The following P2RX3 variants were observed in gnomAD, a reference collection of about 807,000 sequenced individuals.
P2RX3 encodes the protein purinergic receptor P2X 3, also known as P2X purinoceptor 3.
Under a neutral mutation model 51.5 loss-of-function variants are expected in P2RX3, and 41 were observed. The observed-to-expected ratio is 0.80, with a 90% CI of 0.62 to 1.03. P2RX3 has a LOEUF of 1.03. Among genes scored for constraint, P2RX3 ranks in the 50% least tolerant of loss-of-function variants. The probability of loss-of-function intolerance (pLI) is 0.00; values close to 1 mark genes in which losing one functional copy is unlikely to be tolerated. For missense variants in P2RX3, 459 were observed against 522.1 expected, an observed-to-expected ratio of 0.88 and a Z score of 1.18; for synonymous variants, 185 against 191.6, an observed-to-expected ratio of 0.97 and a Z score of 0.29.
upstream of P2RX3, among the ~76,000 whole-genome samples, chr11:57,337,617 A>G (rs529322614): frequency 1.3e-5 from 2 of 152,288 alleles, no homozygotes; most frequent in South Asian, 2.1e-4. Flanking sequence ...GGAATTGAAC[A>G]ATGAGAACAC....
At position 57,348,174 on chromosome 11, in the gene P2RX3, C is replaced by T. The variant is rs1220739656; in HGVS notation, c.396C>T (p.Ile132=). The change falls in exon 5 of 12, where the codon ATC becomes ATT. Residue 132 remains isoleucine (I), a synonymous_variant. Coordinates refer to ENST00000263314, the MANE Select transcript of P2RX3 (RefSeq NM_002559.5). ...CGPERLPGGG[I]LTGRCVNYSS... is the part of the protein sequence containing the mutation. Reference sequence around the variant, plus strand: ...CAGCTGTGGCTCTCACTTTAGGGATCCTCACTGGCCGCTGCGTGAACTACA... The same window carrying T: ...CAGCTGTGGCTCTCACTTTAGGGATTCTCACTGGCCGCTGCGTGAACTACA... 2.5e-6 allele frequency: 4 copies of T among 1,581,838 alleles called. No individual in the cohort carries two copies. Among genetic ancestry groups the T allele is most frequent in the Non-Finnish European group, 3.4e-6 (4 of 1,163,308 alleles).
chr11:57,336,127 G>A (rs1006391912), upstream of P2RX3, among the ~76,000 whole-genome samples: 3 of 152,174 alleles, frequency 2.0e-5, no homozygotes, highest in Non-Finnish European at 4.4e-5. Flanking sequence ...TTAGTACAGG[G>A]GTGGGGTGGG....
At position 57,369,342 on chromosome 11, in the gene P2RX3, C is replaced by A; in HGVS notation, c.1003-19C>A. On this transcript the variant is annotated intron_variant, in intron 10 of 11. Transcript: ENST00000263314. ...ACCCAGGGCACCCCTCGGAGCCCGC[C>A]CTGCCTCTCCTCCTCCAGGGAACTG... is the stretch of plus-strand genomic sequence containing the variant. 1.2e-6 allele frequency: 2 copies of A among 1,608,570 alleles called. No homozygotes were observed. The highest frequency in any genetic ancestry group is 1.7e-6 in the Non-Finnish European group (2 of 1,178,100).
chr11:57,360,737 G>A (rs1244845156), intron 8 of P2RX3, among the ~76,000 whole-genome samples: 2 of 151,154 alleles, frequency 1.3e-5, no homozygotes, highest in African/African-American at 2.4e-5. Context: ...AGAGGATGCA[G>A]TGAGCCGAGA....
chr11:57,350,949 C>T (rs75359740), intron 8 of P2RX3, 51 bp downstream of exon 8: 39,088 of 1,612,086 alleles, frequency 0.024, 571 homozygotes, highest in South Asian at 0.036. Context: ...GGGCTGTTAA[C>T]GGCAATGTTT....
At chr11:57,368,484 C>G in intron 10 of P2RX3, 47 bp downstream of exon 10, 1 of 1,600,168 alleles carries the variant, frequency 6.2e-7, no homozygotes, top group Non-Finnish European at 8.6e-7. Context: ...AGAGTGGGGC[C>G]CGGACTGGTA....
upstream of P2RX3, among the ~76,000 whole-genome samples, chr11:57,336,364 G>A (rs1309837828): frequency 6.6e-6 from 1 of 152,052 alleles, no homozygotes; most frequent in Non-Finnish European, 1.5e-5. Context: ...ATCCTTAACC[G>A]AAAATTATAG....
intron 9 of P2RX3, 74 bp from the exon 10 acceptor site, chr11:57,368,298 G>A (rs921262905): frequency 2.9e-5 from 44 of 1,528,256 alleles, no homozygotes; most frequent in East Asian, 9.0e-5. Flanking sequence ...CCCTTCTGGC[G>A]CCACGTGCAG....
At chr11:57,342,228 C>T (rs1207694818) in intron 1 of P2RX3, among the ~76,000 whole-genome samples, 1 of 139,084 alleles carries the variant, frequency 7.2e-6, no homozygotes. Flanking sequence ...GGTGCAATCT[C>T]GACTCACTGC....
At chr11:57,354,003 G>T (rs1856589979) in intron 8 of P2RX3, among the ~76,000 whole-genome samples, 1 of 152,066 alleles carries the variant, frequency 6.6e-6, no homozygotes, top group Admixed American at 6.6e-5. Flanking sequence ...AGCCTCAAAG[G>T]TCATTGGATC....
chr11:57,358,372 C>A (rs1856663145), intron 8 of P2RX3, among the ~76,000 whole-genome samples: 1 of 152,276 alleles, frequency 6.6e-6, no homozygotes, highest in African/African-American at 2.4e-5. Flanking sequence ...CAGAGATGAA[C>A]AAGACCAGTT....
At chr11:57,355,980 C>A (rs1392815590) in intron 8 of P2RX3, among the ~76,000 whole-genome samples, 1 of 152,094 alleles carries the variant, frequency 6.6e-6, no homozygotes, top group African/African-American at 2.4e-5. Context: ...GCCTGGGCAG[C>A]AATAGCAAGA....
intron 8 of P2RX3, among the ~76,000 whole-genome samples, chr11:57,361,428 T>A (rs1376843341): frequency 6.6e-6 from 1 of 152,202 alleles, no homozygotes; most frequent in Non-Finnish European, 1.5e-5. Flanking sequence ...TAGCTATTTA[T>A]CCTGATGCTC....
At chr11:57,367,692 A>G (rs1293682604) in intron 8 of P2RX3, among the ~76,000 whole-genome samples, 2 of 152,186 alleles carry the variant, frequency 1.3e-5, no homozygotes, top group African/African-American at 4.8e-5. Context: ...CTGCACTGCA[A>G]TGTGGGCGAC....
chr11:57,352,204 TAAA>T (rs1333707194), intron 8 of P2RX3, among the ~76,000 whole-genome samples: 1 of 152,154 alleles, frequency 6.6e-6, no homozygotes, highest in Non-Finnish European at 1.5e-5. Context: ...ATTTATAACT[TAAA>T]AAAATAATCA....
Position 57,368,025 on chromosome 11 carries a change from A to G in P2RX3, c.859A>G (p.Lys287Glu), listed in dbSNP as rs1316171355. ...GACCTCCAGGTTTGCCAAGTACTAC[A>G]AAATGGAAAATGGCAGTGAGTACCG... Reference protein sequence around the residue: ...GYNFRFAKYYKMENGSEYRTL... With the variant: ...GYNFRFAKYYEMENGSEYRTL... Residue 287 changes from lysine (K) to glutamate (E), a missense_variant, in exon 9 of 12, where the codon AAA (lysine) becomes GAA (glutamate). Physicochemically the swap from Lys to Glu is moderately conservative, Grantham distance 56 (BLOSUM62 1). Transcript: ENST00000263314. The G allele has an allele frequency of 6.2e-6, 10 of 1,614,074 alleles. No homozygotes were observed. The highest frequency in any genetic ancestry group is 2.2e-5 in the East Asian group (1 of 44,888).
chr11:57,354,967 C>T (rs1293412137), intron 8 of P2RX3, among the ~76,000 whole-genome samples: 1 of 152,056 alleles, frequency 6.6e-6, no homozygotes, highest in African/African-American at 2.4e-5. Context: ...TCTGAAGAGG[C>T]GAGGAGAGGA....
At chr11:57,340,521 G>A (rs1332661518) in intron 1 of P2RX3, 2 of 152,422 alleles carry the variant, frequency 1.3e-5, no homozygotes, top group Admixed American at 6.5e-5. Context: ...ACCCATGCAC[G>A]TTGTGACTTC....
chr11:57,353,339 A>T (rs1443769731), intron 8 of P2RX3, among the ~76,000 whole-genome samples: 1 of 152,206 alleles, frequency 6.6e-6, no homozygotes, highest in Non-Finnish European at 1.5e-5. Flanking sequence ...TACGAAGTAG[A>T]TGCTACAATA....
Sources: gnomAD v4.1 joint callset for allele counts (sites outside exome capture counted in the v4.1 genomes callset) on GRCh38, gnomAD v4.1.1 for gene constraint, MANE v1.5 for transcripts, NCBI Gene and HGNC (gene_info 2026-07-23, HGNC 2026-07-21) for gene names.